Variants in AGAP1 observed in about 807,000 individuals in gnomAD.
The protein encoded by AGAP1 is arf-GAP with GTPase, ANK repeat and PH domain-containing protein 1.
A neutral mutation model predicts 105.3 loss-of-function variants in AGAP1; 29 were observed. The observed-to-expected ratio is 0.28, with a 90% CI of 0.21 to 0.38. The LOEUF (loss-of-function observed/expected upper bound fraction) is 0.38, where lower values mean the gene tolerates loss of function less well. AGAP1 is among the 10% of genes least tolerant of loss of function. AGAP1 has a pLI of 1.00. For synonymous variants in AGAP1, 509 were observed against 485.9 expected (o/e 1.05, Z -0.63); for missense variants, 998 against 1,165.1 (o/e 0.86, Z 2.09).
Position 235,720,009 on chromosome 2 carries a change from T to C in AGAP1, c.310+2365T>C, listed in dbSNP as rs151169604. ...TGGCCACTGTCTTTGCCCCTCTTAA[T>C]GAGACCAGGGAATGGACTTCTACTT... On this transcript the variant is annotated intron_variant, in intron 3 of 17. Coordinates refer to ENST00000304032, the MANE Select transcript of AGAP1 (RefSeq NM_001037131.3). This position sits in a 1 kb window ranked among gnomAD's most constrained non-coding sequence, Gnocchi z 5.0. Among the ~76,000 whole-genome samples the C allele has an allele frequency of 0.022, 3,297 of 152,276 alleles. 119 individuals are homozygous for C. Among genetic ancestry groups the C allele is most frequent in the African/African-American group, 0.072 (3,002 of 41,556 alleles).
rs1950984681 is a variant in AGAP1 at position 235,714,258 on chromosome 2, C to T, written c.223-3299C>T. Among the ~76,000 whole-genome samples the T allele has an allele frequency of 6.6e-6, 1 of 151,994 alleles. No individual in the cohort carries two copies. Among genetic ancestry groups the T allele is most frequent in the Non-Finnish European group, 1.5e-5 (1 of 68,020 alleles). On this transcript the variant is annotated intron_variant, in intron 2 of 17. Coordinates refer to ENST00000304032, the MANE Select transcript of AGAP1 (RefSeq NM_001037131.3). This position sits in a 1 kb window ranked among gnomAD's most constrained non-coding sequence, Gnocchi z 4.1. The stretch of plus-strand genomic sequence containing the variant: ...CTTGAACTCCTGACCTCAGGTGATC[C>T]ACCTGCCTCGGCCTCCCAAAGTGCT...
chr2:235,536,658 CACACACACACACACACA>C (rs1943246178), intron 1 of AGAP1, among the ~76,000 whole-genome samples: 1 of 151,510 alleles, frequency 6.6e-6, no homozygotes, highest in Admixed American at 6.6e-5. Flanking sequence ...CACACACACA[CACACACACACACACACA>C]CACCCCTTGC....
chr2:235,929,947 A>T (rs562373934), intron 11 of AGAP1, among the ~76,000 whole-genome samples: 81 of 152,290 alleles, frequency 5.3e-4, no homozygotes, highest in African/African-American at 1.9e-3. Context: ...AATTTTTTTT[A>T]AAAAAGCCCC....
chr2:235,878,960 C>G (rs2049879402), intron 9 of AGAP1, among the ~76,000 whole-genome samples: 1 of 152,174 alleles, frequency 6.6e-6, no homozygotes, highest in African/African-American at 2.4e-5. Context: ...AAGTTCAAGA[C>G]CAAAAGTGTT....
At position 235,731,530 on chromosome 2, in the gene AGAP1, C is replaced by T. The variant is rs533909909; in HGVS notation, c.311-9433C>T. Among the ~76,000 whole-genome samples, 18 of 152,300 alleles carry T rather than the reference C, an allele frequency of 1.2e-4. No homozygotes were observed. The South Asian group carries it at 1.9e-3, about 16-fold the overall frequency. On this transcript the variant is annotated intron_variant, in intron 3 of 17. Coordinates refer to ENST00000304032, the MANE Select transcript of AGAP1 (RefSeq NM_001037131.3). ...CGTATTAGGAAGAGGCCTGGCTTTC[C>T]TGTGGGAATTGAACAGAAGACAGGC...
Position 235,752,685 on chromosome 2 carries a change from A to G in AGAP1, c.673+2197A>G, listed in dbSNP as rs1411238056. Reference sequence around the variant, plus strand: ...AGTTGTCTGGATAAGTTTAGTTTCCACAGTGACTCCTTTGCTTTTGTATTT... The same window carrying G: ...AGTTGTCTGGATAAGTTTAGTTTCCGCAGTGACTCCTTTGCTTTTGTATTT... On this transcript the variant is annotated intron_variant, in intron 6 of 17. Transcript: ENST00000304032. This position sits in a 1 kb window ranked among gnomAD's most constrained non-coding sequence, Gnocchi z 4.3. 6.6e-6 allele frequency among the ~76,000 whole-genome samples: 1 copy of G among 152,222 alleles called. No homozygotes were observed. The highest frequency in any genetic ancestry group is 1.5e-5 in the Non-Finnish European group (1 of 68,040).
intron 16 of AGAP1, among the ~76,000 whole-genome samples, chr2:236,112,232 A>G (rs1045020302): frequency 2.0e-5 from 3 of 152,166 alleles, no homozygotes; most frequent in African/African-American, 4.8e-5. Context: ...CCTGGCCAAC[A>G]TGGCAAAAGC....
At chr2:235,911,001 C>T (rs551704950) in intron 11 of AGAP1, among the ~76,000 whole-genome samples, 1 of 152,226 alleles carries the variant, frequency 6.6e-6, no homozygotes, top group East Asian at 1.9e-4. Context: ...TAGAATTCTT[C>T]CATTTCCACC....
At chr2:235,846,926 T>C (rs1347525478) in intron 9 of AGAP1, among the ~76,000 whole-genome samples, 2 of 152,172 alleles carry the variant, frequency 1.3e-5, no homozygotes, top group Non-Finnish European at 2.9e-5. Context: ...CTGCGCCTGG[T>C]CTGGTTCCAC....
At chr2:235,770,697 C>T (rs1292640890) in intron 6 of AGAP1, among the ~76,000 whole-genome samples, 2 of 144,304 alleles carry the variant, frequency 1.4e-5, no homozygotes, top group Non-Finnish European at 3.1e-5. Flanking sequence ...CTTAGAAAAG[C>T]TGGTGGATTT....
In AGAP1 at chr2:235,734,030, A is replaced by G. The variant is rs1439094248; in HGVS notation, c.311-6933A>G. Among the ~76,000 whole-genome samples, 1 of 152,200 alleles carries G rather than the reference A, an allele frequency of 6.6e-6. No individual in the cohort carries two copies. The highest frequency in any genetic ancestry group is 2.4e-5 in the African/African-American group (1 of 41,454). On this transcript the variant is annotated intron_variant, in intron 3 of 17. Transcript: ENST00000304032. This position sits in a 1 kb window ranked among gnomAD's most constrained non-coding sequence, Gnocchi z 5.3. ...ACTTCAGTATTTTTATCAAAGTTAA[A>G]TGAGCCAAACTTATTTTTTACAAAT...
At position 235,622,727 on chromosome 2, in the gene AGAP1, T is replaced by C. The variant is rs1946524569; in HGVS notation, c.164-86452T>C. Among the ~76,000 whole-genome samples the C allele has an allele frequency of 6.6e-6, 1 of 152,068 alleles. No homozygotes were observed. The highest frequency in any genetic ancestry group is 1.5e-5 in the Non-Finnish European group (1 of 68,028). ...CTTGGACCACGGTAGCTAATGTTTG[T>C]AGCGCGCTCACGTATGCCAGACTCT... On this transcript the variant is annotated intron_variant, in intron 1 of 17. Transcript: ENST00000304032. The surrounding 1 kb of genome is among the most constrained non-coding windows in gnomAD (Gnocchi z 5.0).
rs1559231766 is a variant in AGAP1 at position 235,536,670 on chromosome 2, CA to C, written c.163+41822del. Among the ~76,000 whole-genome samples, 315 of 146,236 alleles carry C rather than the reference CA, an allele frequency of 2.2e-3. 3 individuals are homozygous for C. The highest frequency in any genetic ancestry group is 7.8e-3 in the Middle Eastern group (2 of 256). On this transcript the variant is annotated intron_variant, in intron 1 of 17. Coordinates refer to ENST00000304032, the MANE Select transcript of AGAP1 (RefSeq NM_001037131.3). ...ACACACACACACACACACACACACA[CA>C]CACACACCCCTTGCTTATGTCCTCC...
chr2:235,975,080 T>G (rs988945388), intron 13 of AGAP1, among the ~76,000 whole-genome samples: 2 of 152,248 alleles, frequency 1.3e-5, no homozygotes, highest in African/African-American at 4.8e-5. Flanking sequence ...ATTTAGCACA[T>G]AATGGTTATC....
chr2:235,569,754 T>A lies in AGAP1; in HGVS notation c.163+74905T>A, dbSNP rs1311003506. ...GATGCAGGTCTTTCTATGGAACCTG[T>A]AGGTTCTGAGACCGAGCCTTGGGTA... On this transcript the variant is annotated intron_variant, in intron 1 of 17. Coordinates refer to ENST00000304032, the MANE Select transcript of AGAP1 (RefSeq NM_001037131.3). This position sits in a 1 kb window ranked among gnomAD's most constrained non-coding sequence, Gnocchi z 5.9. Among the ~76,000 whole-genome samples the A allele has an allele frequency of 6.6e-6, 1 of 152,204 alleles. No homozygotes were observed. Among genetic ancestry groups the A allele is most frequent in the East Asian group, 1.9e-4 (1 of 5,190 alleles).
At chr2:236,065,462 C>T (rs1029891572) in intron 16 of AGAP1, among the ~76,000 whole-genome samples, 17 of 152,206 alleles carry the variant, frequency 1.1e-4, no homozygotes, top group African/African-American at 3.9e-4. Flanking sequence ...ATGTTCTGTT[C>T]GCAGGCAGCC....
At position 235,777,935 on chromosome 2, in the gene AGAP1, G is replaced by T. The variant is rs1040015634; in HGVS notation, c.674-19824G>T. Among the ~76,000 whole-genome samples, 1 of 152,252 alleles carries T rather than the reference G, an allele frequency of 6.6e-6. No homozygotes were observed. Among genetic ancestry groups the T allele is most frequent in the East Asian group, 1.9e-4 (1 of 5,174 alleles). On this transcript the variant is annotated intron_variant, in intron 6 of 17. Coordinates refer to ENST00000304032, the MANE Select transcript of AGAP1 (RefSeq NM_001037131.3). This position sits in a 1 kb window ranked among gnomAD's most constrained non-coding sequence, Gnocchi z 5.1. ...ATGTTTGTAGTGGTTGGAAGGAGGGGACTTCCTTGGCCCCTCCTGGCTCTG... is the reference window on the plus strand; with the variant it reads ...ATGTTTGTAGTGGTTGGAAGGAGGGTACTTCCTTGGCCCCTCCTGGCTCTG...
intron 1 of AGAP1, among the ~76,000 whole-genome samples, chr2:235,696,269 CT>C (rs1949993008): frequency 6.6e-6 from 1 of 152,222 alleles, no homozygotes; most frequent in Non-Finnish European, 1.5e-5. Context: ...TGGTCTTGAA[CT>C]CCTGACCTCG....
chr2:236,115,529 CT>C (rs765293561), intron 16 of AGAP1, among the ~76,000 whole-genome samples: 22 of 152,326 alleles, frequency 1.4e-4, no homozygotes, highest in South Asian at 8.3e-4. Context: ...AGCTTTCCCC[CT>C]GGTATCTGGA....
Sources: gnomAD v4.1 joint callset for allele counts (sites outside exome capture counted in the v4.1 genomes callset) on GRCh38, gnomAD v4.1.1 for gene constraint, Gnocchi (gnomAD v3.1) non-coding constraint, MANE v1.5 for transcripts, NCBI Gene and HGNC (gene_info 2026-07-23, HGNC 2026-07-21) for gene names.